TPR: variants seen among roughly 807,000 people sequenced by gnomAD.
TPR encodes translocated promoter region, nuclear basket protein, also known as nucleoprotein TPR.
TPR carries 51 observed loss-of-function variants against 316.1 expected under a neutral mutation model. That is an observed-to-expected ratio of 0.16 (90% CI 0.13 to 0.20). TPR has a LOEUF of 0.20. TPR is among the 10% of genes least tolerant of loss of function. The pLI is 1.00. For missense variants in TPR, 2,272 were observed against 2,754.8 expected, an observed-to-expected ratio of 0.82 and a Z score of 3.92; for synonymous variants, 981 against 914.7, an observed-to-expected ratio of 1.07 and a Z score of -1.31.
At chr1:186,320,008 T>C (rs1284796253) in intron 46 of TPR, among the ~76,000 whole-genome samples, 1 of 152,198 alleles carries the variant, frequency 6.6e-6, no homozygotes, top group Non-Finnish European at 1.5e-5. Context: ...GTAGTACCTA[T>C]ATTTATTGGT....
intron 11 of TPR, 81 bp from the exon 12 acceptor site, chr1:186,360,077 C>G (rs1259040549): frequency 5.5e-6 from 8 of 1,457,106 alleles, no homozygotes; most frequent in South Asian, 3.7e-5. Context: ...AATAAACATT[C>G]TTTAACACTA....
chr1:186,322,273 A>T, intron 45 of TPR, 45 bp downstream of exon 45: 1 of 1,533,472 alleles, frequency 6.5e-7, no homozygotes, highest in Non-Finnish European at 8.9e-7. Context: ...AGAAAGACTA[A>T]AAGTTTGATT....
At chr1:186,353,412 CCAAA>C (rs1446442911) in intron 18 of TPR, among the ~76,000 whole-genome samples, 2 of 151,570 alleles carry the variant, frequency 1.3e-5, no homozygotes, top group African/African-American at 4.8e-5. Context: ...TTTGTTAGAA[CCAAA>C]CACTGACCTA....
At chr1:186,325,898 A>T (rs1404008197) in intron 41 of TPR, 44 bp from the exon 42 acceptor site, 1 of 1,595,988 alleles carries the variant, frequency 6.3e-7, no homozygotes, top group South Asian at 1.1e-5. Flanking sequence ...TAAAATAAAT[A>T]TGTTAAAAAA....
intron 29 of TPR, among the ~76,000 whole-genome samples, chr1:186,340,289 G>A (rs1658473067): frequency 6.6e-6 from 1 of 152,078 alleles, no homozygotes; most frequent in Admixed American, 6.6e-5. Context: ...ATACATGCAA[G>A]GCAGATTTCT....
chr1:186,353,110 T>C (rs113280938), intron 18 of TPR, among the ~76,000 whole-genome samples: 10,542 of 152,248 alleles, frequency 0.069, 532 homozygotes, highest in Middle Eastern at 0.14. Flanking sequence ...CTGTGGCTCA[T>C]GCCTGTAATC....
chr1:186,340,464 C>T (rs778703131), intron 29 of TPR, among the ~76,000 whole-genome samples: 8 of 151,852 alleles, frequency 5.3e-5, no homozygotes, highest in Non-Finnish European at 1.0e-4. Flanking sequence ...CAGGGTCTCC[C>T]TCTCTCACCC....
At chr1:186,322,663 C>A in intron 43 of TPR, 77 bp from the exon 44 acceptor site, 2 of 1,400,236 alleles carry the variant, frequency 1.4e-6, no homozygotes. Context: ...TCAACAGATA[C>A]AGCTTATTAC....
intron 32 of TPR, 56 bp from the exon 33 acceptor site, chr1:186,336,750 T>C: frequency 6.5e-7 from 1 of 1,527,984 alleles, no homozygotes; most frequent in African/African-American, 1.4e-5. Flanking sequence ...ATATAAACTG[T>C]ATGTGGTAGC....
intron 12 of TPR, 71 bp from the exon 13 acceptor site, chr1:186,358,721 A>G: frequency 8.0e-7 from 1 of 1,254,142 alleles, no homozygotes; most frequent in Non-Finnish European, 1.1e-6. Flanking sequence ...AAAGACATAC[A>G]ATACTCAAAC....
At chr1:186,374,824 C>G (rs1209760032) in intron 1 of TPR, 54 bp downstream of exon 1, 1 of 1,548,488 alleles carries the variant, frequency 6.5e-7, no homozygotes, top group Non-Finnish European at 8.8e-7. Context: ...AAGACCAGAC[C>G]CAAAGGGCGG....
At chr1:186,358,485 A>G (rs2101982047) in intron 13 of TPR, 58 bp downstream of exon 13, 2 of 1,348,464 alleles carry the variant, frequency 1.5e-6, no homozygotes, top group Admixed American at 3.9e-5. Flanking sequence ...AAACAGATTC[A>G]AAGATTACTG....
chr1:186,318,693 A>G, intron 47 of TPR, 40 bp downstream of exon 47: 1 of 1,610,234 alleles, frequency 6.2e-7, no homozygotes, highest in Non-Finnish European at 8.5e-7. Flanking sequence ...TTTTCATTTT[A>G]CCAATAAAAC....
intron 4 of TPR, among the ~76,000 whole-genome samples, chr1:186,367,097 A>G (rs1919198): frequency 0.64 from 85,640 of 133,980 alleles, 26,993 homozygotes; most frequent in Non-Finnish European, 0.66. Flanking sequence ...TACGGAGTCT[A>G]GCTCTGTCGC....
In TPR at chr1:186,351,958, G is replaced by T. The variant is rs543445221; in HGVS notation, c.2469+18C>A. ...AACTTTTATACATTTTTTCTACATA[G>T]GCTTTTTATTTGGTTACCTGAATTG... On this transcript the variant is annotated intron_variant, in intron 19 of 50. Coordinates refer to ENST00000367478, the MANE Select transcript of TPR (RefSeq NM_003292.3). 3 of 1,575,476 alleles carry T rather than the reference G, an allele frequency of 1.9e-6. No individual in the cohort carries two copies. Among genetic ancestry groups the T allele is most frequent in the South Asian group, 1.2e-5 (1 of 81,912 alleles).
intron 4 of TPR, among the ~76,000 whole-genome samples, chr1:186,363,972 A>G (rs895380382): frequency 2.0e-5 from 3 of 152,158 alleles, no homozygotes; most frequent in Non-Finnish European, 4.4e-5. Context: ...CCACCTCCTG[A>G]TACTACTGCA....
chr1:186,359,042 AT>A (rs1246085296), intron 12 of TPR, among the ~76,000 whole-genome samples: 2 of 152,174 alleles, frequency 1.3e-5, no homozygotes, highest in East Asian at 3.8e-4. Context: ...TGACTTCTAA[AT>A]TATAACAGCA....
At chr1:186,322,465 A>G in intron 44 of TPR, 53 bp from the exon 45 acceptor site, 1 of 1,612,636 alleles carries the variant, frequency 6.2e-7, no homozygotes, top group Non-Finnish European at 8.5e-7. Flanking sequence ...TATGGACTAT[A>G]TAAATATCTG....
Position 186,360,872 on chromosome 1 carries a change from A to C in TPR, c.992T>G (p.Val331Gly), listed in dbSNP as rs1326988279. The C allele has an allele frequency of 8.1e-6, 13 of 1,612,634 alleles. No homozygotes were observed. The highest frequency in any genetic ancestry group is 3.3e-5 in the Admixed American group (2 of 59,884). The change falls in exon 10 of 51, where the codon GTG becomes GGG. Residue 331 changes from valine (V) to glycine (G), a missense_variant. Transcript: ENST00000367478. Reference protein sequence around the residue: ...NKAIQDHLLEVEQSKDQMEKE... With the variant: ...NKAIQDHLLEGEQSKDQMEKE... ...TTCCATTTGATCTTTGGATTGCTCC[A>C]CCTCTAGAAGATGATCTTGTATTGC... is the stretch of plus-strand genomic sequence containing the variant.
Sources: allele counts gnomAD v4.1 joint callset (sites outside exome capture counted in the v4.1 genomes callset), GRCh38; gene constraint gnomAD v4.1.1; transcripts MANE v1.5; gene names NCBI Gene and HGNC (gene_info 2026-07-23, HGNC 2026-07-21).